The following THSD7A variants were observed in gnomAD, a reference collection of about 807,000 sequenced individuals.
THSD7A encodes the protein thrombospondin type-1 domain-containing protein 7A.
In THSD7A, 96 loss-of-function variants were observed where a neutral mutation model predicts 231.3. The ratio of observed to expected loss-of-function variants is 0.41; its 90% CI spans 0.35 to 0.49. The LOEUF (loss-of-function observed/expected upper bound fraction) is 0.49, where lower values mean the gene tolerates loss of function less well. Among genes scored for constraint, THSD7A ranks in the 20% least tolerant of loss-of-function variants. The probability of loss-of-function intolerance (pLI) is 0.05; values close to 1 mark genes in which losing one functional copy is unlikely to be tolerated. For synonymous variants in THSD7A, 940 were observed against 743.3 expected (o/e 1.26, Z -4.30); for missense variants, 2,290 against 2,070.2 (o/e 1.11, Z -2.06).
At chr7:11,640,087 C>T (rs1276739100) in intron 1 of THSD7A, among the ~76,000 whole-genome samples, 2 of 152,140 alleles carry the variant, frequency 1.3e-5, no homozygotes, top group East Asian at 1.9e-4. Context: ...ATGTTTCTCA[C>T]GTAATGTTTA....
chr7:11,432,937 A>G (rs1784525048), intron 13 of THSD7A, among the ~76,000 whole-genome samples: 1 of 152,066 alleles, frequency 6.6e-6, no homozygotes. Context: ...CATGAAGATT[A>G]GGATACAATG....
rs1031275654 is a variant in THSD7A, at chr7:11,637,549, T to G, written c.191-588A>C. Among the ~76,000 whole-genome samples the G allele has an allele frequency of 6.6e-6, 1 of 151,808 alleles. No individual in the cohort carries two copies. Among genetic ancestry groups the G allele is most frequent in the African/African-American group, 2.4e-5 (1 of 41,402 alleles). On this transcript the variant is annotated intron_variant, in intron 1 of 27. Transcript: ENST00000423059. This position sits in a 1 kb window ranked among gnomAD's most constrained non-coding sequence, Gnocchi z 4.2. ...TTATCAAAACTAAGAAGCAAAAATCTTCATTTACACACATTCTGCCTTTAA... is the reference window on the plus strand; with the variant it reads ...TTATCAAAACTAAGAAGCAAAAATCGTCATTTACACACATTCTGCCTTTAA...
At position 11,780,819 on chromosome 7, in the gene THSD7A, G is replaced by A. The variant is rs1031982564; in HGVS notation, c.190+50938C>T. Among the ~76,000 whole-genome samples the A allele has an allele frequency of 1.3e-5, 2 of 151,464 alleles. 1 individual carries two copies. The highest frequency in any genetic ancestry group is 1.3e-4 in the Admixed American group (2 of 15,234). ...TTTATAGGGAGCAAGGTGAAACCCC[G>A]TCTCTACTAAAAATACAAAAAATTA... On this transcript the variant is annotated intron_variant, in intron 1 of 27. Transcript: ENST00000423059.
intron 4 of THSD7A, among the ~76,000 whole-genome samples, chr7:11,554,166 G>A (rs1789744939): frequency 6.6e-6 from 1 of 151,940 alleles, no homozygotes; most frequent in East Asian, 1.9e-4. Flanking sequence ...ATGTCTACCA[G>A]AATCTCAGAA....
intron 2 of THSD7A, among the ~76,000 whole-genome samples, chr7:11,602,609 T>C (rs1421516357): frequency 4.0e-5 from 6 of 151,842 alleles, no homozygotes; most frequent in Admixed American, 2.6e-4. Flanking sequence ...TGGGAGAAAA[T>C]GGATTTTTCC....
intron 1 of THSD7A, among the ~76,000 whole-genome samples, chr7:11,730,798 T>C (rs1314503683): frequency 6.6e-6 from 1 of 151,630 alleles, no homozygotes. Context: ...TTCTTTTCTG[T>C]CTCCTGAGAT....
At chr7:11,407,261 T>G in intron 20 of THSD7A, 45 bp downstream of exon 20, 1 of 1,523,054 alleles carries the variant, frequency 6.6e-7, no homozygotes, top group Admixed American at 1.8e-5. Context: ...TTTTATTTCA[T>G]ATTCCTTGAC....
chr7:11,743,554 T>C (rs1782179417), intron 1 of THSD7A, among the ~76,000 whole-genome samples: 1 of 151,924 alleles, frequency 6.6e-6, no homozygotes, highest in East Asian at 1.9e-4. Context: ...TTCATTTTAA[T>C]ATATCCTTCT....
intron 6 of THSD7A, among the ~76,000 whole-genome samples, chr7:11,532,679 T>C (rs1200073361): frequency 3.3e-5 from 5 of 152,154 alleles, no homozygotes; most frequent in African/African-American, 9.6e-5. Flanking sequence ...ACTTGCAAGA[T>C]AGAAAATGTA....
chr7:11,493,862 T>TC (rs2128308205), intron 6 of THSD7A, among the ~76,000 whole-genome samples: 2 of 152,080 alleles, frequency 1.3e-5, no homozygotes, highest in East Asian at 3.9e-4. Flanking sequence ...TAGAAACCTT[T>TC]GGGGGTAATA....
At chr7:11,596,966 G>A (rs1252485396) in intron 2 of THSD7A, among the ~76,000 whole-genome samples, 2 of 152,194 alleles carry the variant, frequency 1.3e-5, no homozygotes. Context: ...TACCTCAGGG[G>A]TATATCAACT....
chr7:11,602,852 A>G (rs113485481), intron 2 of THSD7A, among the ~76,000 whole-genome samples: 1,693 of 151,404 alleles, frequency 0.011, 10 homozygotes, highest in Non-Finnish European at 0.015. Flanking sequence ...GAAGATTCTC[A>G]GGTTTTTATG....
chr7:11,500,442 T>C (rs1417587863), intron 6 of THSD7A, among the ~76,000 whole-genome samples: 1 of 152,012 alleles, frequency 6.6e-6, no homozygotes, highest in African/African-American at 2.4e-5. Flanking sequence ...AGCACAATGA[T>C]AGGGTCAAAT....
intron 6 of THSD7A, among the ~76,000 whole-genome samples, chr7:11,537,074 G>C (rs1196187731): frequency 6.6e-6 from 1 of 152,050 alleles, no homozygotes; most frequent in Non-Finnish European, 1.5e-5. Context: ...ACATTTTCCT[G>C]AAGATACTGA....
At chr7:11,755,706 A>G (rs1782651539) in intron 1 of THSD7A, among the ~76,000 whole-genome samples, 1 of 152,138 alleles carries the variant, frequency 6.6e-6, no homozygotes, top group African/African-American at 2.4e-5. Flanking sequence ...CCTGCTGTGC[A>G]CAGTCACTGG....
chr7:11,473,846 T>C (rs1365057737), intron 8 of THSD7A, among the ~76,000 whole-genome samples: 2 of 152,096 alleles, frequency 1.3e-5, no homozygotes, highest in East Asian at 1.9e-4. Context: ...ACTCTAACCA[T>C]TGAAAGACGC....
At chr7:11,416,248 A>G (rs969610968) in intron 17 of THSD7A, among the ~76,000 whole-genome samples, 1 of 152,146 alleles carries the variant, frequency 6.6e-6, no homozygotes, top group Non-Finnish European at 1.5e-5. Flanking sequence ...ATAGAAACCT[A>G]CTGGACAAAG....
At chr7:11,654,520 G>A (rs1282832503) in intron 1 of THSD7A, among the ~76,000 whole-genome samples, 1 of 151,872 alleles carries the variant, frequency 6.6e-6, no homozygotes, top group East Asian at 1.9e-4. Context: ...CAAAATTAGG[G>A]AGTCAGTAAT....
intron 1 of THSD7A, among the ~76,000 whole-genome samples, chr7:11,748,524 C>G (rs1463119328): frequency 1.3e-5 from 2 of 151,914 alleles, no homozygotes; most frequent in East Asian, 3.9e-4. Flanking sequence ...TATATATTCT[C>G]AATATTTCGG....
Sources: gnomAD v4.1 joint callset for allele counts (sites outside exome capture counted in the v4.1 genomes callset) on GRCh38, gnomAD v4.1.1 for gene constraint, Gnocchi (gnomAD v3.1) non-coding constraint, MANE v1.5 for transcripts, NCBI Gene and HGNC (gene_info 2026-07-23, HGNC 2026-07-21) for gene names.